Variants in MESP1 observed in about 807,000 individuals in gnomAD.
MESP1 encodes mesoderm posterior protein 1.
In MESP1, 22 loss-of-function variants were observed where a neutral mutation model predicts 15.2. That is an observed-to-expected ratio of 1.45 (90% CI 1.04 to 2.07). MESP1 has a LOEUF of 2.07. MESP1 is among the 30% of genes most tolerant of loss of function. MESP1 has a pLI of 0.00. For synonymous variants in MESP1, 216 were observed against 192.6 expected, an observed-to-expected ratio of 1.12 and a Z score of -1.01; for missense variants, 484 against 411.9, an observed-to-expected ratio of 1.17 and a Z score of -1.51.
chr15:89,736,384 G>C, the MESP1 span, among the ~76,000 whole-genome samples: 4 of 152,158 alleles, frequency 2.6e-5, no homozygotes, highest in African/African-American at 9.7e-5. Flanking sequence ...AGAGAGCCAA[G>C]GGCTGAAAAT....
chr15:89,750,935 G>T lies in MESP1; in HGVS notation c.297C>A (p.Ala99=). The change falls in exon 1 of 2, where the codon GCC becomes GCA. Residue 99 remains alanine, a synonymous_variant. Coordinates refer to ENST00000300057, the MANE Select transcript of MESP1 (RefSeq NM_018670.4). Reference sequence around the variant, plus strand: ...AGCGGCGCAGCTCGTGCAGGGCGCGGGCCAGCGTGCGCATGCGCAGTTTCT... The same window carrying T: ...AGCGGCGCAGCTCGTGCAGGGCGCGTGCCAGCGTGCGCATGCGCAGTTTCT... ...EREKLRMRTL[A]RALHELRRFL... 6.8e-7 allele frequency: 1 copy of T among 1,460,272 alleles called. No individual in the cohort carries two copies. The highest frequency in any genetic ancestry group is 1.3e-5 in the South Asian group (1 of 75,070). 90.5% of individuals were successfully genotyped at this position (1,460,272 alleles called of 1,614,324 possible). A position where few individuals can be genotyped will look rare whatever the true frequency, so the allele number is the denominator to read the frequency against.
downstream of MESP1, among the ~76,000 whole-genome samples, chr15:89,747,841 G>A (rs1001476113): frequency 1.3e-5 from 2 of 152,222 alleles, no homozygotes; most frequent in Admixed American, 6.5e-5. Flanking sequence ...ACTACCACCC[G>A]GCACGGGGCG....
At position 89,750,888 on chromosome 15, in the gene MESP1, G is replaced by C. The variant is rs558080649; in HGVS notation, c.344C>G (p.Pro115Arg). The change falls in exon 1 of 2, where the codon CCC becomes CGC. Residue 115 changes from proline (P) to arginine (R), a missense_variant. Coordinates refer to ENST00000300057, the MANE Select transcript of MESP1 (RefSeq NM_018670.4). The part of the protein sequence containing the change: ...LRRFLPPSVA[P>R]AGQSLTKIET... ...GATCTTGGTCAGGCTCTGGCCCGCG[G>C]GCGCCACGGACGGCGGTAGAAAGCG... The C allele has an allele frequency of 2.0e-6, 3 of 1,499,520 alleles. No homozygotes were observed. In the South Asian group the frequency reaches 3.8e-5, roughly 19 times the overall value. 92.9% of individuals were successfully genotyped at this position (1,499,520 alleles called of 1,614,324 possible).
At chr15:89,747,141 CACACA>C (rs1967986062), downstream of MESP1, among the ~76,000 whole-genome samples, 30 of 144,068 alleles carry the variant, frequency 2.1e-4, no homozygotes, top group East Asian at 3.9e-4. Flanking sequence ...CACACACACA[CACACA>C]CCCCTACCTT....
At chr15:89,739,503 T>C in the MESP1 span, among the ~76,000 whole-genome samples, 70 of 152,204 alleles carry the variant, frequency 4.6e-4, no homozygotes, top group Non-Finnish European at 8.5e-4. Flanking sequence ...TGCCCTCCTT[T>C]CTGCTATCAA....
the MESP1 span, chr15:89,743,226 C>T: frequency 6.5e-7 from 1 of 1,544,846 alleles, no homozygotes; most frequent in Non-Finnish European, 8.9e-7. Flanking sequence ...TCGAGGTCTG[C>T]CCTGGGGGCT....
At position 89,749,923 on chromosome 15, in the gene MESP1, A is replaced by C. The variant is rs1968047103; in HGVS notation, c.*221T>G. 1 of 568,760 alleles carries C rather than the reference A, an allele frequency of 1.8e-6. No homozygotes were observed. Among genetic ancestry groups the C allele is most frequent in the Non-Finnish European group, 3.2e-6 (1 of 314,724 alleles). 35.2% of individuals were successfully genotyped at this position (568,760 alleles called of 1,614,324 possible). The stretch of plus-strand genomic sequence containing the variant: ...AAATAAATAAATTCACATTAGGCAG[A>C]GCCTCCTGCTTGCCTCAAAGTGTCT... On this transcript the variant is annotated 3_prime_UTR_variant, in exon 2 of 2. Coordinates refer to ENST00000300057, the MANE Select transcript of MESP1 (RefSeq NM_018670.4).
At chr15:89,744,013 G>A in the MESP1 span, among the ~76,000 whole-genome samples, 1 of 152,168 alleles carries the variant, frequency 6.6e-6, no homozygotes, top group Non-Finnish European at 1.5e-5. Flanking sequence ...GCAGAGAGAT[G>A]CCTTGTTCTT....
At chr15:89,743,613 A>ATCTGTTTAGTGATATTGTCTCCAG in the MESP1 span, 1 of 572,938 alleles carries the variant, frequency 1.7e-6, no homozygotes, top group Non-Finnish European at 3.1e-6. Context: ...TGTGTCACCC[A>ATCTGTTTAGTGATATTGTCTCCAG]AATAAACAGT....
At chr15:89,750,434 G>C in intron 1 of MESP1, 75 bp downstream of exon 1, 1 of 1,461,266 alleles carries the variant, frequency 6.8e-7, no homozygotes, top group East Asian at 2.4e-5. Flanking sequence ...CAGGGTGCCT[G>C]GTCCTCACCT....
At chr15:89,732,871 T>C in the MESP1 span, 1 of 771,646 alleles carries the variant, frequency 1.3e-6, no homozygotes, top group Non-Finnish European at 2.2e-6. Flanking sequence ...TGATTTTCTC[T>C]CACAGGGTGC....
downstream of MESP1, among the ~76,000 whole-genome samples, chr15:89,745,778 C>A (rs114816178): frequency 6.6e-6 from 1 of 151,746 alleles, no homozygotes; most frequent in Admixed American, 6.6e-5. The surrounding 1 kb of genome is among the most constrained non-coding windows in gnomAD (Gnocchi z 4.8). Context: ...AAAAAAAGAA[C>A]CTTATGTCTT....
chr15:89,745,750 C>G (rs571006959), downstream of MESP1, among the ~76,000 whole-genome samples: 2 of 151,742 alleles, frequency 1.3e-5, no homozygotes, highest in South Asian at 4.2e-4. This position sits in a 1 kb window ranked among gnomAD's most constrained non-coding sequence, Gnocchi z 4.8. Flanking sequence ...GGCGAAAGAG[C>G]GAGACTCTGT....
chr15:89,738,122 C>T, the MESP1 span: 10 of 1,614,040 alleles, frequency 6.2e-6, 1 homozygote, highest in East Asian at 4.5e-5. Flanking sequence ...GAGGCCTGCC[C>T]ACTCCTGGAA....
chr15:89,750,722 G>A lies in MESP1; in HGVS notation c.510C>T (p.Cys170=), dbSNP rs762353375. Residue 170 remains cysteine, a synonymous_variant, in exon 1 of 2, where the codon TGC becomes TGT. Coordinates refer to ENST00000300057, the MANE Select transcript of MESP1 (RefSeq NM_018670.4). ...GCGTCCGTGTCTGCATCTGCGCGGG[G>A]CAGTCGTCGGGGCACAGCGGGCAGC... ...PRGCPLCPDD[C]PAQMQTRTQA... The A allele has an allele frequency of 2.8e-5, 39 of 1,402,666 alleles. No individual in the cohort carries two copies. The African/African-American group carries it at 5.1e-4, about 18-fold the overall frequency. The allele number at this position is 1,402,666 out of a possible 1,614,324, so 86.9% of individuals were successfully genotyped here. A position where few individuals can be genotyped will look rare whatever the true frequency, so the allele number is the denominator to read the frequency against.
chr15:89,735,816 C>T, the MESP1 span, among the ~76,000 whole-genome samples: 5,767 of 152,224 alleles, frequency 0.038, 392 homozygotes, highest in African/African-American at 0.13. Context: ...ATGCATGGAA[C>T]AGAGAGAGGG....
At chr15:89,745,120 A>G (rs762062931), downstream of MESP1, among the ~76,000 whole-genome samples, 18 of 152,194 alleles carry the variant, frequency 1.2e-4, no homozygotes, top group Non-Finnish European at 2.6e-4. This position sits in a 1 kb window ranked among gnomAD's most constrained non-coding sequence, Gnocchi z 4.8. Flanking sequence ...GCAGGCAGAC[A>G]ACAGAGGCAC....
chr15:89,738,626 C>CAAAAAAAAA, the MESP1 span, among the ~76,000 whole-genome samples: 4 of 81,454 alleles, frequency 4.9e-5, no homozygotes, highest in African/African-American at 1.8e-4. Flanking sequence ...GACTCTGTCC[C>CAAAAAAAAA]AAAAAAAAAA....
downstream of MESP1, chr15:89,749,607 T>G (rs1169016431): frequency 6.4e-6 from 1 of 155,106 alleles, no homozygotes. Context: ...GATATTTTGG[T>G]TTTAACCAGT....
Sources: gnomAD v4.1 joint callset for allele counts (sites outside exome capture counted in the v4.1 genomes callset) on GRCh38, gnomAD v4.1.1 for gene constraint, Gnocchi (gnomAD v3.1) non-coding constraint, MANE v1.5 for transcripts, NCBI Gene and HGNC (gene_info 2026-07-23, HGNC 2026-07-21) for gene names.